PTPRD: variants seen among roughly 807,000 people sequenced by gnomAD.
The protein encoded by PTPRD is receptor-type tyrosine-protein phosphatase delta.
In PTPRD, 34 loss-of-function variants were observed where a neutral mutation model predicts 214.5. The observed-to-expected ratio is 0.16, with a 90% CI of 0.12 to 0.21. The LOEUF (loss-of-function observed/expected upper bound fraction) is 0.21. PTPRD is among the 10% of genes least tolerant of loss of function. PTPRD has a pLI of 1.00. For missense variants in PTPRD, 2,545 were observed against 2,398.7 expected (o/e 1.06, Z -1.27); for synonymous variants, 1,128 against 845.7 (o/e 1.33, Z -5.79).
At chr9:9,485,512 G>C (rs2095591825) in intron 8 of PTPRD, among the ~76,000 whole-genome samples, 1 of 152,022 alleles carries the variant, frequency 6.6e-6, no homozygotes, top group South Asian at 2.1e-4. Flanking sequence ...TTTAGTGTAT[G>C]TTTATATAAT....
intron 10 of PTPRD, among the ~76,000 whole-genome samples, chr9:9,094,867 C>A (rs1027036284): frequency 2.4e-4 from 36 of 152,086 alleles, no homozygotes; most frequent in African/African-American, 8.2e-4. Flanking sequence ...GCAAAGACAT[C>A]ACAGGAAAAT....
intron 3 of PTPRD, among the ~76,000 whole-genome samples, chr9:10,300,810 C>A (rs533837939): frequency 3.9e-5 from 6 of 152,054 alleles, no homozygotes; most frequent in Non-Finnish European, 8.8e-5. Context: ...GACCGAGCAC[C>A]TGGGGGAAGG....
At chr9:9,106,320 T>C in intron 10 of PTPRD, among the ~76,000 whole-genome samples, 1 of 152,114 alleles carries the variant, frequency 6.6e-6, no homozygotes, top group East Asian at 1.9e-4. Context: ...ATTAATACAA[T>C]AATAACAATA....
intron 2 of PTPRD, among the ~76,000 whole-genome samples, chr9:10,493,773 T>C (rs2041148729): frequency 6.6e-6 from 1 of 152,010 alleles, no homozygotes; most frequent in South Asian, 2.1e-4. Flanking sequence ...GTAACATCTT[T>C]TCACTTCTCC....
At chr9:9,678,742 C>T (rs986922911) in intron 7 of PTPRD, among the ~76,000 whole-genome samples, 1 of 151,716 alleles carries the variant, frequency 6.6e-6, no homozygotes, top group African/African-American at 2.4e-5. Context: ...AACAAGGAGT[C>T]AGTCTAAACT....
chr9:10,464,384 G>A (rs1031593068), intron 2 of PTPRD, among the ~76,000 whole-genome samples: 2 of 149,196 alleles, frequency 1.3e-5, no homozygotes, highest in African/African-American at 4.9e-5. Context: ...CAAAGAAAGA[G>A]AGAAAGAGAG....
intron 9 of PTPRD, among the ~76,000 whole-genome samples, chr9:9,203,312 G>A (rs1260681955): frequency 6.6e-6 from 1 of 152,040 alleles, no homozygotes; most frequent in South Asian, 2.1e-4. Context: ...AAGCCTAGGT[G>A]ATGGAGTCAG....
intron 3 of PTPRD, among the ~76,000 whole-genome samples, chr9:10,336,637 T>G (rs1053050333): frequency 3.3e-5 from 5 of 151,556 alleles, no homozygotes; most frequent in African/African-American, 4.8e-5. Flanking sequence ...TAGGTAATAT[T>G]TATGTCTGTC....
intron 3 of PTPRD, among the ~76,000 whole-genome samples, chr9:10,336,955 T>A (rs554042512): frequency 6.6e-6 from 1 of 151,780 alleles, no homozygotes; most frequent in Non-Finnish European, 1.5e-5. Flanking sequence ...AAATTCTGAA[T>A]GGAGAATATC....
At chr9:8,321,463 GT>G (rs1193798142) in intron 44 of PTPRD, among the ~76,000 whole-genome samples, 2 of 47,400 alleles carry the variant, frequency 4.2e-5, no homozygotes, top group African/African-American at 2.3e-4. Flanking sequence ...AGTCTTCTTT[GT>G]GTGTGTGTGT....
In PTPRD at chr9:10,141,965, G is replaced by C. The variant is rs908937409; in HGVS notation, c.-544-108175C>G. Among the ~76,000 whole-genome samples the C allele has an allele frequency of 2.4e-3, 360 of 151,198 alleles. 2 individuals are homozygous for C. Among genetic ancestry groups the C allele is most frequent in the African/African-American group, 7.5e-3 (308 of 41,154 alleles). On this transcript the variant is annotated intron_variant, in intron 3 of 45. Transcript: ENST00000381196. ...AACAGAACAGAGCCCTCAGAAATAAGGCCGCATATCTACAACTATCTGATC... is the reference window on the plus strand; with the variant it reads ...AACAGAACAGAGCCCTCAGAAATAACGCCGCATATCTACAACTATCTGATC...
chr9:9,063,906 G>C (rs1044551004), intron 10 of PTPRD, among the ~76,000 whole-genome samples: 3 of 152,144 alleles, frequency 2.0e-5, no homozygotes, highest in Admixed American at 2.0e-4. Flanking sequence ...ATAATTCAAA[G>C]AGAGTAGTCT....
rs1186411081 is a variant in PTPRD, at chr9:9,209,051, G to A, written c.-202-25688C>T. On this transcript the variant is annotated intron_variant, in intron 9 of 45. Coordinates refer to ENST00000381196, the MANE Select transcript of PTPRD (RefSeq NM_002839.4). ...TCTCGATCTCCTGACCTCGTGATCG[G>A]CCCGCCTTGGCCTCCCAAAGTGCTG... is the stretch of plus-strand genomic sequence containing the variant. Among the ~76,000 whole-genome samples, 5 of 152,004 alleles carry A rather than the reference G, an allele frequency of 3.3e-5. No homozygotes were observed. In the South Asian group the frequency reaches 6.2e-4, roughly 19 times the overall value.
At chr9:9,523,182 C>T (rs550077656) in intron 8 of PTPRD, among the ~76,000 whole-genome samples, 23 of 152,128 alleles carry the variant, frequency 1.5e-4, no homozygotes, top group African/African-American at 5.3e-4. Context: ...TCTTGGAGAA[C>T]AATATATTGT....
intron 9 of PTPRD, among the ~76,000 whole-genome samples, chr9:9,322,340 C>A (rs1030609649): frequency 6.6e-6 from 1 of 152,068 alleles, no homozygotes; most frequent in Non-Finnish European, 1.5e-5. Context: ...TGTATATTGT[C>A]ATACATAATT....
chr9:9,576,522 C>T (rs1261858321), intron 7 of PTPRD, among the ~76,000 whole-genome samples: 1 of 152,040 alleles, frequency 6.6e-6, no homozygotes, highest in Non-Finnish European at 1.5e-5. Context: ...TCAAAAAAAT[C>T]TAGTGTGATT....
At chr9:10,415,700 G>A (rs2098480706) in intron 2 of PTPRD, among the ~76,000 whole-genome samples, 1 of 151,874 alleles carries the variant, frequency 6.6e-6, no homozygotes, top group South Asian at 2.1e-4. Context: ...TTGCTGAAAT[G>A]TGGAAGCAAC....
intron 11 of PTPRD, among the ~76,000 whole-genome samples, chr9:8,934,454 T>TAA (rs2098978181): frequency 6.4e-5 from 2 of 31,292 alleles, no homozygotes; most frequent in East Asian, 2.2e-3. Flanking sequence ...TATAAATTTA[T>TAA]ATATATATAA....
At chr9:9,362,001 T>G (rs1343607526) in intron 9 of PTPRD, among the ~76,000 whole-genome samples, 1 of 151,148 alleles carries the variant, frequency 6.6e-6, no homozygotes, top group East Asian at 2.0e-4. Flanking sequence ...ACGTTAGTCA[T>G]TCTTGAGTCC....
Sources: gnomAD v4.1 joint callset for allele counts (sites outside exome capture counted in the v4.1 genomes callset) on GRCh38, gnomAD v4.1.1 for gene constraint, MANE v1.5 for transcripts, NCBI Gene and HGNC (gene_info 2026-07-23, HGNC 2026-07-21) for gene names.